Variants in LHFPL2 observed in about 807,000 individuals in gnomAD.
LHFPL2 encodes LHFPL tetraspan subfamily member 2 protein.
A neutral mutation model predicts 17.5 loss-of-function variants in LHFPL2; 7 were observed. The observed-to-expected ratio is 0.40, with a 90% CI of 0.23 to 0.75. LHFPL2 has a LOEUF of 0.75. Ranked by LOEUF, LHFPL2 falls within the 30% of genes least tolerant of loss-of-function variation. LHFPL2 has a pLI of 0.37. For missense variants in LHFPL2, 241 were observed against 294.8 expected (o/e 0.82, Z 1.34); for synonymous variants, 134 against 116.2 (o/e 1.15, Z -0.99).
intron 4 of LHFPL2, 87 bp from the exon 5 acceptor site, chr5:78,489,240 G>A: frequency 6.6e-7 from 1 of 1,507,276 alleles, no homozygotes; most frequent in Non-Finnish European, 9.1e-7. Context: ...TGATTTGCTT[G>A]CTTTGGGCAA....
At chr5:78,513,072 G>A (rs1201822096) in intron 3 of LHFPL2, among the ~76,000 whole-genome samples, 2 of 152,124 alleles carry the variant, frequency 1.3e-5, no homozygotes, top group East Asian at 1.9e-4. Flanking sequence ...ATTTTTCAAT[G>A]AGAACATTCA....
At chr5:78,619,487 A>T (rs182766079) in intron 2 of LHFPL2, among the ~76,000 whole-genome samples, 19 of 148,708 alleles carry the variant, frequency 1.3e-4, no homozygotes, top group Admixed American at 2.7e-4. Context: ...GTTTTTATTT[A>T]TATATATATA....
chr5:78,624,793 G>GT (rs1744971275), intron 2 of LHFPL2: 2 of 151,062 alleles, frequency 1.3e-5, no homozygotes, highest in African/African-American at 4.9e-5. Flanking sequence ...TACCATCCTG[G>GT]TTTTCTTTTC....
chr5:78,581,773 C>A (rs531516617), intron 2 of LHFPL2, among the ~76,000 whole-genome samples: 3 of 152,096 alleles, frequency 2.0e-5, no homozygotes. Context: ...TGCCTCTACC[C>A]GGCTTTGGTA....
chr5:78,491,259 GA>G (rs1213447317), intron 4 of LHFPL2: 1 of 152,256 alleles, frequency 6.6e-6, no homozygotes, highest in Non-Finnish European at 1.5e-5. Context: ...ATTGTTTGAA[GA>G]GGGGTGATTC....
intron 1 of LHFPL2, among the ~76,000 whole-genome samples, chr5:78,637,223 A>G (rs1239416138): frequency 2.0e-5 from 3 of 152,356 alleles, no homozygotes; most frequent in South Asian, 2.1e-4. Context: ...AATGCTCCAA[A>G]TGAAACAATA....
At chr5:78,602,767 C>T (rs930975865) in intron 2 of LHFPL2, among the ~76,000 whole-genome samples, 2 of 152,202 alleles carry the variant, frequency 1.3e-5, no homozygotes, top group African/African-American at 4.8e-5. Flanking sequence ...TGGTCAGAAC[C>T]AATCATGGCA....
intron 4 of LHFPL2, among the ~76,000 whole-genome samples, chr5:78,501,873 T>A (rs1754786155): frequency 6.6e-6 from 1 of 152,208 alleles, no homozygotes; most frequent in Non-Finnish European, 1.5e-5. Flanking sequence ...GACTACAGCA[T>A]CTTTGAGAGC....
intron 3 of LHFPL2, among the ~76,000 whole-genome samples, chr5:78,545,054 T>G (rs1384133447): frequency 6.6e-6 from 1 of 152,268 alleles, no homozygotes; most frequent in African/African-American, 2.4e-5. Context: ...CACTCCCTTG[T>G]AGGAATTTCA....
chr5:78,490,746 C>CAAA (rs370809060), intron 4 of LHFPL2, among the ~76,000 whole-genome samples: 2,615 of 92,086 alleles, frequency 0.028, 256 homozygotes, highest in African/African-American at 0.11. Context: ...GACTCCCTCT[C>CAAA]AAAAAAAAAA....
chr5:78,529,433 A>G (rs1755714011), intron 3 of LHFPL2, among the ~76,000 whole-genome samples: 1 of 152,254 alleles, frequency 6.6e-6, no homozygotes, highest in African/African-American at 2.4e-5. Flanking sequence ...GCAGAGAGAA[A>G]GTATAACACT....
At chr5:78,583,111 CT>C (rs1019667240) in intron 2 of LHFPL2, among the ~76,000 whole-genome samples, 4 of 151,684 alleles carry the variant, frequency 2.6e-5, no homozygotes, top group African/African-American at 7.3e-5. Context: ...CAACCCCTGC[CT>C]TTTTTTGTTT....
chr5:78,508,627 T>G (rs1262663392), intron 4 of LHFPL2, among the ~76,000 whole-genome samples: 1 of 152,232 alleles, frequency 6.6e-6, no homozygotes, highest in Non-Finnish European at 1.5e-5. Context: ...CTCAAGAGTT[T>G]GCTATGAGGC....
chr5:78,510,345 G>A lies in LHFPL2; in HGVS notation c.-132C>T, dbSNP rs1755076025. 5 of 911,500 alleles carry A rather than the reference G, an allele frequency of 5.5e-6. No homozygotes were observed. The highest frequency in any genetic ancestry group is 8.1e-6 in the Non-Finnish European group (5 of 613,882). 56.5% of individuals were successfully genotyped at this position (911,500 alleles called of 1,614,324 possible). The stretch of plus-strand genomic sequence containing the variant: ...CAGTCATTCACTCCCGCCGCCGGCC[G>A]CGTTCATGCTGGGGACAGCGCTCCC... On this transcript the variant is annotated 5_prime_UTR_variant, in exon 4 of 5. Coordinates refer to ENST00000380345, the MANE Select transcript of LHFPL2 (RefSeq NM_005779.3).
intron 3 of LHFPL2, among the ~76,000 whole-genome samples, chr5:78,554,199 C>T (rs560425377): frequency 2.0e-5 from 3 of 152,370 alleles, no homozygotes; most frequent in Admixed American, 6.5e-5. Context: ...ACACTGTGCG[C>T]GCCTGCTGCA....
intron 2 of LHFPL2, among the ~76,000 whole-genome samples, chr5:78,601,327 A>T (rs2112473288): frequency 6.6e-6 from 1 of 152,334 alleles, no homozygotes; most frequent in African/African-American, 2.4e-5. Context: ...TGATTCAGCC[A>T]TGTTCACAGT....
chr5:78,491,197 C>G (rs1294811836), intron 4 of LHFPL2: 6 of 145,634 alleles, frequency 4.1e-5, no homozygotes, highest in Admixed American at 1.4e-4. Flanking sequence ...CTCAGATGGC[C>G]TCAAGGGACT....
At chr5:78,507,425 C>T (rs1235109286) in intron 4 of LHFPL2, among the ~76,000 whole-genome samples, 1 of 152,036 alleles carries the variant, frequency 6.6e-6, no homozygotes, top group East Asian at 1.9e-4. Context: ...TAATGAACAC[C>T]TTGCCATTAA....
intron 3 of LHFPL2, among the ~76,000 whole-genome samples, chr5:78,520,053 G>A (rs558361511): frequency 6.6e-6 from 1 of 151,220 alleles, no homozygotes; most frequent in Non-Finnish European, 1.5e-5. Context: ...TGGGGGTAAG[G>A]AAAGTCGCTG....
Sources: gnomAD v4.1 joint callset for allele counts (sites outside exome capture counted in the v4.1 genomes callset) on GRCh38, gnomAD v4.1.1 for gene constraint, MANE v1.5 for transcripts, NCBI Gene and HGNC (gene_info 2026-07-23, HGNC 2026-07-21) for gene names.